CD36: variants seen among roughly 807,000 people sequenced by gnomAD.
CD36 encodes the protein CD36 molecule (CD36 blood group).
A neutral mutation model predicts 55.2 loss-of-function variants in CD36; 119 were observed. The ratio of observed to expected loss-of-function variants is 2.15; its 90% CI spans 1.86 to 2.51. The LOEUF (loss-of-function observed/expected upper bound fraction) is 2.51, where lower values mean the gene tolerates loss of function less well. Ranked by LOEUF, CD36 falls within the 30% of genes most tolerant of loss-of-function variation. The probability of loss-of-function intolerance (pLI) is 0.00; values close to 1 mark genes in which losing one functional copy is unlikely to be tolerated. For synonymous variants in CD36, 186 were observed against 193.6 expected, an observed-to-expected ratio of 0.96 and a Z score of 0.33; for missense variants, 819 against 555.5, an observed-to-expected ratio of 1.47 and a Z score of -4.77.
intron 1 of CD36, among the ~76,000 whole-genome samples, chr7:80,643,288 C>T (rs1469426467): frequency 6.6e-6 from 1 of 152,112 alleles, no homozygotes; most frequent in African/African-American, 2.4e-5. Context: ...GCACATATAC[C>T]TATTCTAACA....
In CD36 at chr7:80,662,952, T is replaced by C. The variant is rs749477115; in HGVS notation, c.430-38T>C. 7 of 1,487,456 alleles carry C rather than the reference T, an allele frequency of 4.7e-6. No homozygotes were observed. The African/African-American group carries it at 6.9e-5, about 15-fold the overall frequency. The allele number at this position is 1,487,456 out of a possible 1,614,324, so 92.1% of individuals were successfully genotyped here. ...TCCATTTATTTGTTAAAATCTAATA[T>C]TGTATTCTTGTCTTAAACAGTGACT... On this transcript the variant is annotated intron_variant, in intron 5 of 14. Coordinates refer to ENST00000447544, the MANE Select transcript of CD36 (RefSeq NM_001001548.3).
At chr7:80,618,126 G>A (rs1440219535) in intron 1 of CD36, among the ~76,000 whole-genome samples, 3 of 152,068 alleles carry the variant, frequency 2.0e-5, no homozygotes, top group Non-Finnish European at 4.4e-5. Context: ...TTTAGACCCT[G>A]CATTCAGGGT....
chr7:80,649,060 C>A (rs1795398372), intron 3 of CD36, among the ~76,000 whole-genome samples: 1 of 152,020 alleles, frequency 6.6e-6, no homozygotes, highest in Admixed American at 6.6e-5. Flanking sequence ...TGTTTTTCAG[C>A]AAGTGTAAGA....
In CD36 at chr7:80,672,039, C is replaced by CAATATCCTTAT; in HGVS notation, c.1124_1125insAATATCCTTAT (p.Thr377SerfsTer4). ...CATAGGACATACTTGGATATTGAAC[C>CAATATCCTTAT]TGTAAGAAAACACCTTATTGATCTG... On this transcript the variant is annotated frameshift_variant and splice_region_variant, in exon 11 of 15. Transcript: ENST00000447544. LOFTEE classifies it high-confidence loss of function. 1 of 1,604,062 alleles carries CAATATCCTTAT rather than the reference C, an allele frequency of 6.2e-7. No homozygotes were observed.
chr7:80,617,645 T>A (rs1793239019), intron 1 of CD36, among the ~76,000 whole-genome samples: 2 of 150,008 alleles, frequency 1.3e-5, no homozygotes, highest in Admixed American at 1.3e-4. Context: ...GAGAATTGCT[T>A]AAACCCATAA....
intron 1 of CD36, among the ~76,000 whole-genome samples, chr7:80,623,706 C>T (rs1175916342): frequency 6.6e-6 from 1 of 152,174 alleles, no homozygotes; most frequent in Non-Finnish European, 1.5e-5. Flanking sequence ...TTCACTGATG[C>T]TTTGTTTCTT....
chr7:80,606,718 A>C (rs1792569514), intron 1 of CD36, among the ~76,000 whole-genome samples: 1 of 152,168 alleles, frequency 6.6e-6, no homozygotes, highest in South Asian at 2.1e-4. Context: ...TTCCTCCAGG[A>C]AAGGGTTGTG....
chr7:80,624,381 GC>G (rs1793636503), intron 1 of CD36, among the ~76,000 whole-genome samples: 2 of 151,986 alleles, frequency 1.3e-5, no homozygotes, highest in South Asian at 4.1e-4. Context: ...AGGCATTTAG[GC>G]AGCCTGTTTC....
chr7:80,610,662 G>C (rs10238304), intron 1 of CD36, among the ~76,000 whole-genome samples: 61,425 of 151,814 alleles, frequency 0.4, 12,649 homozygotes, highest in African/African-American at 0.47. Context: ...GCAACCTCTG[G>C]CTCCTGAGTT....
At chr7:80,673,221 T>C (rs913494606) in intron 12 of CD36, 134 bp from the exon 13 acceptor site, 4 of 547,510 alleles carry the variant, frequency 7.3e-6, no homozygotes, top group East Asian at 3.0e-5. Flanking sequence ...ACAACTATAT[T>C]AAAATTTAAA....
intron 14 of CD36, among the ~76,000 whole-genome samples, chr7:80,674,970 A>G (rs1051643248): frequency 2.0e-5 from 3 of 152,142 alleles, no homozygotes; most frequent in South Asian, 2.1e-4. Context: ...ATCAGCATCC[A>G]TTCTATCTTC....
Position 80,605,315 on chromosome 7 carries a change from T to A in CD36, c.-184+2936T>A, listed in dbSNP as rs79206446. ...ACATTGTGCTAAACATTTATAAGAA[T>A]CTAGGATCATTTTACAGGTGGTTTT... On this transcript the variant is annotated intron_variant, in intron 1 of 13. Coordinates refer to the CD36 transcript ENST00000309881. Among the ~76,000 whole-genome samples the A allele has an allele frequency of 2.0e-5, 3 of 152,302 alleles. No homozygotes were observed. In the East Asian group the frequency reaches 5.8e-4, roughly 29 times the overall value.
intron 7 of CD36, 163 bp from the exon 8 acceptor site, chr7:80,666,280 G>C: frequency 1.6e-6 from 1 of 626,100 alleles, no homozygotes; most frequent in South Asian, 1.9e-5. Flanking sequence ...AAGATAAAAG[G>C]TTCAAACAAA....
Position 80,672,043 on chromosome 7 carries a change from A to T in CD36, c.1125+3A>T, listed in dbSNP as rs768825934. On this transcript the variant is annotated splice_donor_region_variant and intron_variant, in intron 11 of 14. Coordinates refer to ENST00000447544, the MANE Select transcript of CD36 (RefSeq NM_001001548.3). The stretch of plus-strand genomic sequence containing the variant: ...GGACATACTTGGATATTGAACCTGT[A>T]AGAAAACACCTTATTGATCTGATTT... 1.9e-6 allele frequency: 3 copies of T among 1,601,168 alleles called. No individual in the cohort carries two copies. Among genetic ancestry groups the T allele is most frequent in the African/African-American group, 2.7e-5 (2 of 74,602 alleles).
In CD36 at chr7:80,672,862, GT is replaced by G; in HGVS notation, c.1199+21del. 1.3e-6 allele frequency: 2 copies of G among 1,544,682 alleles called. No homozygotes were observed. The highest frequency in any genetic ancestry group is 8.9e-7 in the Non-Finnish European group (1 of 1,118,956). On this transcript the variant is annotated intron_variant, in intron 12 of 14. Coordinates refer to ENST00000447544, the MANE Select transcript of CD36 (RefSeq NM_001001548.3). ...AAATTCAGTGAGTCTCTTGAAAATG[GT>G]TATTTTGATATGATCTGTAGTATCG...
intron 6 of CD36, 69 bp downstream of exon 6, chr7:80,663,238 C>T: frequency 7.5e-7 from 1 of 1,330,300 alleles, no homozygotes; most frequent in Admixed American, 1.7e-5. Context: ...ATTGGCAAGG[C>T]ATAATTTTAT....
At chr7:80,623,005 CT>C (rs11301209) in intron 1 of CD36, among the ~76,000 whole-genome samples, 137,019 of 145,556 alleles carry the variant, frequency 0.94, 64,515 homozygotes, top group South Asian at 0.99. Flanking sequence ...CCTTGGTAGA[CT>C]TTTTTTTTTT....
At chr7:80,658,768 T>G (rs1796289004) in intron 4 of CD36, among the ~76,000 whole-genome samples, 1 of 152,204 alleles carries the variant, frequency 6.6e-6, no homozygotes, top group Non-Finnish European at 1.5e-5. Flanking sequence ...AGTGTTGGGA[T>G]TACAGGTGTG....
chr7:80,653,783 G>T (rs1002793186), intron 3 of CD36, among the ~76,000 whole-genome samples: 1 of 152,142 alleles, frequency 6.6e-6, no homozygotes, highest in Non-Finnish European at 1.5e-5. Flanking sequence ...TATTCAAGGA[G>T]TGACTACAAT....
Sources: allele counts gnomAD v4.1 joint callset (sites outside exome capture counted in the v4.1 genomes callset), GRCh38; gene constraint gnomAD v4.1.1; transcripts MANE v1.5; gene names NCBI Gene and HGNC (gene_info 2026-07-23, HGNC 2026-07-21).